The following PPP2R3A variants were observed in gnomAD, a reference collection of about 807,000 sequenced individuals.
The protein encoded by PPP2R3A is serine/threonine-protein phosphatase 2A regulatory subunit B'' subunit alpha.
In PPP2R3A, 80 loss-of-function variants were observed where a neutral mutation model predicts 106.9. The ratio of observed to expected loss-of-function variants is 0.75; its 90% CI spans 0.62 to 0.90. PPP2R3A has a LOEUF of 0.90. Among genes scored for constraint, PPP2R3A ranks in the 40% least tolerant of loss-of-function variants. The probability of loss-of-function intolerance (pLI) is 0.00; values close to 1 mark genes in which losing one functional copy is unlikely to be tolerated. For synonymous variants in PPP2R3A, 483 were observed against 468.3 expected (o/e 1.03, Z -0.41); for missense variants, 1,386 against 1,350.4 (o/e 1.03, Z -0.41).
At chr3:136,122,994 CTAAGA>C (rs1938054749) in intron 13 of PPP2R3A, among the ~76,000 whole-genome samples, 2 of 152,060 alleles carry the variant, frequency 1.3e-5, no homozygotes, top group African/African-American at 2.4e-5. Flanking sequence ...ACTAAGCAAA[CTAAGA>C]TAAGTAACTC....
intron 3 of PPP2R3A, among the ~76,000 whole-genome samples, chr3:136,037,689 AT>A (rs1406722684): frequency 1.3e-5 from 2 of 152,236 alleles, no homozygotes; most frequent in Admixed American, 6.5e-5. Flanking sequence ...AGCCTGAGAC[AT>A]CTTTAAATGT....
chr3:136,098,263 C>T (rs1937264726), intron 10 of PPP2R3A, among the ~76,000 whole-genome samples: 1 of 152,166 alleles, frequency 6.6e-6, no homozygotes, highest in Admixed American at 6.6e-5. Context: ...CTGCAGTGAG[C>T]CATGATTGCA....
At chr3:136,140,748 C>CAAAAA (rs996175388) in intron 13 of PPP2R3A, among the ~76,000 whole-genome samples, 2 of 81,572 alleles carry the variant, frequency 2.5e-5, no homozygotes, top group Non-Finnish European at 5.1e-5. Context: ...AACTCAGTCT[C>CAAAAA]AAAAAAAAAA....
chr3:136,020,111 A>G (rs1934414155), intron 2 of PPP2R3A, among the ~76,000 whole-genome samples: 1 of 152,100 alleles, frequency 6.6e-6, no homozygotes, highest in South Asian at 2.1e-4. Context: ...GAGTAATTGA[A>G]TGACTATAAA....
chr3:136,134,630 T>A (rs2108022779), intron 13 of PPP2R3A, among the ~76,000 whole-genome samples: 1 of 152,330 alleles, frequency 6.6e-6, no homozygotes, highest in Non-Finnish European at 1.5e-5. Context: ...CCCCAAAATA[T>A]TAACAGTCAT....
chr3:136,034,714 T>C (rs1005328321), intron 3 of PPP2R3A, among the ~76,000 whole-genome samples: 1 of 152,228 alleles, frequency 6.6e-6, no homozygotes, highest in Non-Finnish European at 1.5e-5. Context: ...TTAGATGGAA[T>C]GTTCTGTATA....
Position 136,106,226 on chromosome 3 carries a change from A to G in PPP2R3A, c.3233A>G (p.Asn1078Ser). 1 of 1,603,772 alleles carries G rather than the reference A, an allele frequency of 6.2e-7. No homozygotes were observed. Among genetic ancestry groups the G allele is most frequent in the Non-Finnish European group, 8.5e-7 (1 of 1,177,672 alleles). Reference sequence around the variant, plus strand: ...CTTCTTTCCAATCAGGATGTTGAGAACGATGGGCCTGAGCCCTCAGACTGG... The same window carrying G: ...CTTCTTTCCAATCAGGATGTTGAGAGCGATGGGCCTGAGCCCTCAGACTGG... ...DPFAVQKDVE[N>S]DGPEPSDWDR... Residue 1078 changes from asparagine to serine, a missense_variant, in exon 13 of 14, where the codon AAC becomes AGC. Asn to Ser is a conservative substitution (Grantham distance 46, BLOSUM62 1). Coordinates refer to ENST00000264977, the MANE Select transcript of PPP2R3A (RefSeq NM_002718.5).
chr3:135,976,836 T>TAAAAAATAAATTTA (rs1216415517), intron 1 of PPP2R3A, among the ~76,000 whole-genome samples: 1 of 152,178 alleles, frequency 6.6e-6, no homozygotes, highest in Non-Finnish European at 1.5e-5. Context: ...TAAGTTCATC[T>TAAAAAATAAATTTA]GAAATTTATT....
chr3:135,975,393 G>C (rs1937390273), intron 1 of PPP2R3A, among the ~76,000 whole-genome samples: 1 of 152,128 alleles, frequency 6.6e-6, no homozygotes, highest in Admixed American at 6.5e-5. Context: ...TGGGCCCTCT[G>C]GTGGGTTCAT....
At chr3:135,966,604 C>T (rs561270353) in intron 1 of PPP2R3A, among the ~76,000 whole-genome samples, 416 of 152,080 alleles carry the variant, frequency 2.7e-3, no homozygotes, top group Middle Eastern at 0.017. Flanking sequence ...GTTGTGCTCC[C>T]GTTATTCCCA....
At position 136,001,247 on chromosome 3, in the gene PPP2R3A, T is replaced by C; in HGVS notation, c.-252T>C. 4.1e-6 allele frequency: 2 copies of C among 482,866 alleles called. No individual in the cohort carries two copies. The highest frequency in any genetic ancestry group is 2.0e-5 in the African/African-American group (1 of 50,874). The allele number at this position is 482,866 out of a possible 1,614,324, so 29.9% of individuals were successfully genotyped here. On this transcript the variant is annotated 5_prime_UTR_variant, in exon 2 of 14. Transcript: ENST00000264977. The stretch of plus-strand genomic sequence containing the variant: ...AAAATAATTCTGCAGTATCATAATA[T>C]TACTAAATAAAATTAAAAAGCACAA...
At chr3:136,066,173 C>G (rs1936258327) in intron 5 of PPP2R3A, among the ~76,000 whole-genome samples, 1 of 152,106 alleles carries the variant, frequency 6.6e-6, no homozygotes, top group African/African-American at 2.4e-5. Flanking sequence ...AAGCACAAAG[C>G]CCAGGTAGTT....
chr3:136,100,544 C>A (rs777657225), intron 10 of PPP2R3A, among the ~76,000 whole-genome samples: 5 of 151,306 alleles, frequency 3.3e-5, no homozygotes, highest in African/African-American at 1.2e-4. Flanking sequence ...TTGAGCATGG[C>A]GGCAGGCACC....
intron 10 of PPP2R3A, among the ~76,000 whole-genome samples, chr3:136,100,133 G>T (rs1200397691): frequency 2.0e-5 from 3 of 152,000 alleles, no homozygotes; most frequent in Non-Finnish European, 4.4e-5. Context: ...AACAAAATGG[G>T]TTACAGTCAA....
At chr3:136,050,709 T>C (rs528060299) in intron 5 of PPP2R3A, among the ~76,000 whole-genome samples, 2 of 152,154 alleles carry the variant, frequency 1.3e-5, no homozygotes, top group African/African-American at 2.4e-5. Flanking sequence ...TTCTCTTTCT[T>C]TTTCCTGACA....
chr3:136,062,717 CAAA>C (rs34662666), intron 5 of PPP2R3A, among the ~76,000 whole-genome samples: 15 of 114,498 alleles, frequency 1.3e-4, no homozygotes, highest in Non-Finnish European at 9.1e-5. Flanking sequence ...GACTCCATCT[CAAA>C]AAAAAAAAAA....
At chr3:136,102,281 T>TCTATCAA in intron 11 of PPP2R3A, 99 bp downstream of exon 11, 1 of 1,339,932 alleles carries the variant, frequency 7.5e-7, no homozygotes, top group Non-Finnish European at 1.0e-6. Flanking sequence ...TTCAGAGTCT[T>TCTATCAA]GATAGAAGAC....
chr3:136,009,549 A>C (rs966617138), intron 2 of PPP2R3A, among the ~76,000 whole-genome samples: 1 of 151,836 alleles, frequency 6.6e-6, no homozygotes, highest in Non-Finnish European at 1.5e-5. Flanking sequence ...TTCTTCGTTC[A>C]TTTTCTGGCC....
Position 136,002,561 on chromosome 3 carries a change from A to G in PPP2R3A, c.1063A>G (p.Asn355Asp). The change falls in exon 2 of 14, where the codon AAT becomes GAT. Residue 355 changes from asparagine (N) to aspartate (D), a missense_variant. By Grantham distance (23) the Asn-to-Asp change is conservative. Transcript: ENST00000264977. Reference protein sequence around the residue: ...SGRFQTIELQNDKPNSRKMDT... With the variant: ...SGRFQTIELQDDKPNSRKMDT... ...ACGATTTCAAACTATTGAATTGCAA[A>G]ATGACAAGCCTAATTCTAGGAAGAT... 1 of 1,613,938 alleles carries G rather than the reference A, an allele frequency of 6.2e-7. No individual in the cohort carries two copies. Among genetic ancestry groups the G allele is most frequent in the Non-Finnish European group, 8.5e-7 (1 of 1,179,894 alleles).
Sources: allele counts gnomAD v4.1 joint callset (sites outside exome capture counted in the v4.1 genomes callset), GRCh38; gene constraint gnomAD v4.1.1; transcripts MANE v1.5; gene names NCBI Gene and HGNC (gene_info 2026-07-23, HGNC 2026-07-21).